Variants in DPP6 observed in about 807,000 individuals in gnomAD.
DPP6 encodes dipeptidyl peptidase like 6.
A neutral mutation model predicts 122.6 loss-of-function variants in DPP6; 69 were observed. That is an observed-to-expected ratio of 0.56 (90% CI 0.46 to 0.69). DPP6 has a LOEUF of 0.69. Ranked by LOEUF, DPP6 falls within the 30% of genes least tolerant of loss-of-function variation. The pLI is 0.00. For synonymous variants in DPP6, 418 were observed against 433.1 expected (o/e 0.97, Z 0.43); for missense variants, 928 against 1,116.9 (o/e 0.83, Z 2.41).
upstream of DPP6, among the ~76,000 whole-genome samples, chr7:153,885,393 T>C (rs909735218): frequency 6.6e-6 from 1 of 152,042 alleles, no homozygotes; most frequent in Admixed American, 6.5e-5. Flanking sequence ...GTGATGGTGT[T>C]AGGGGCTGAG....
intron 1 of DPP6, among the ~76,000 whole-genome samples, chr7:154,309,865 G>A (rs1806707120): frequency 6.6e-6 from 1 of 152,206 alleles, no homozygotes; most frequent in African/African-American, 2.4e-5. Flanking sequence ...AGTTCACACG[G>A]ACATTGGATG....
rs896473478 is a variant in DPP6 at position 153,974,319 on chromosome 7, C to G, written c.51+86585C>G. 2.1e-4 allele frequency among the ~76,000 whole-genome samples: 32 copies of G among 152,264 alleles called. No individual in the cohort carries two copies. The Middle Eastern group carries it at 0.014, about 65-fold the overall frequency. On this transcript the variant is annotated intron_variant, in intron 1 of 25. Coordinates refer to the DPP6 transcript ENST00000404039. The stretch of plus-strand genomic sequence containing the variant: ...TTCATCTTGCTCTGCAGTGGCAACT[C>G]TCTCGTTTCCCATGTGGAATTGTGA...
intron 1 of DPP6, chr7:154,092,952 T>A (rs867179087): frequency 2.1e-4 from 32 of 152,110 alleles, no homozygotes; most frequent in African/African-American, 5.8e-4. Context: ...AGCTTGCGTC[T>A]CCTTGTGCAA....
At chr7:153,811,353 T>C in the DPP6 span, among the ~76,000 whole-genome samples, 1 of 152,226 alleles carries the variant, frequency 6.6e-6, no homozygotes, top group African/African-American at 2.4e-5. Flanking sequence ...ATTAAATGAA[T>C]TACTGGGGCA....
At position 154,550,987 on chromosome 7, in the gene DPP6, C is replaced by G. The variant is rs145003630; in HGVS notation, c.552+10361C>G. ...ACCAATTTATAAAAGACAGCTGGAT[C>G]CAAGTTATATTTCTGACAAAATTGG... On this transcript the variant is annotated intron_variant, in intron 4 of 25. Transcript: ENST00000377770. 4.2e-3 allele frequency among the ~76,000 whole-genome samples: 639 copies of G among 152,096 alleles called. 1 individual carries two copies. Among genetic ancestry groups the G allele is most frequent in the Non-Finnish European group, 6.1e-3 (413 of 67,990 alleles).
At chr7:154,591,638 G>A (rs1173170884) in intron 5 of DPP6, among the ~76,000 whole-genome samples, 1 of 152,186 alleles carries the variant, frequency 6.6e-6, no homozygotes, top group African/African-American at 2.4e-5. Flanking sequence ...CATGCTGGGA[G>A]TGAAACTATC....
chr7:154,709,272 T>C (rs912776891), intron 7 of DPP6, among the ~76,000 whole-genome samples: 1 of 152,230 alleles, frequency 6.6e-6, no homozygotes, highest in African/African-American at 2.4e-5. Flanking sequence ...CTTGACCTGC[T>C]GGACTCAAGC....
chr7:154,454,803 A>G (rs746512328), intron 2 of DPP6, among the ~76,000 whole-genome samples: 3 of 152,220 alleles, frequency 2.0e-5, no homozygotes, highest in Non-Finnish European at 2.9e-5. Flanking sequence ...GCACATAAAC[A>G]TTTGGATATG....
chr7:153,786,663 C>A, the DPP6 span, among the ~76,000 whole-genome samples: 10 of 141,894 alleles, frequency 7.0e-5, no homozygotes, highest in African/African-American at 2.1e-4. Flanking sequence ...GGCGTGAACC[C>A]GGGAGGCGGA....
At chr7:154,559,047 AT>A (rs1315870313) in intron 4 of DPP6, among the ~76,000 whole-genome samples, 6 of 152,170 alleles carry the variant, frequency 3.9e-5, no homozygotes, top group Admixed American at 3.9e-4. Context: ...ATGAGGAGAA[AT>A]ATCAGTTGAT....
In DPP6 at chr7:153,950,052, GAGAC is replaced by G. The variant is rs58221477; in HGVS notation, c.51+62325_51+62328del. Among the ~76,000 whole-genome samples, 1,069 of 152,284 alleles carry G rather than the reference GAGAC, an allele frequency of 7.0e-3. 13 individuals carry two copies. Among genetic ancestry groups the G allele is most frequent in the African/African-American group, 0.024 (1,007 of 41,556 alleles). On this transcript the variant is annotated intron_variant, in intron 1 of 25. Coordinates refer to the DPP6 transcript ENST00000404039. ...AAGAAAGGAAACATATTCCTGTGGG[GAGAC>G]AGACAGGGCAAGAGCACTTCTTATA...
chr7:154,563,185 A>C (rs1830536523), intron 4 of DPP6, among the ~76,000 whole-genome samples: 1 of 152,224 alleles, frequency 6.6e-6, no homozygotes, highest in Non-Finnish European at 1.5e-5. Flanking sequence ...AAAGGTTGAG[A>C]GCATTTCAGG....
rs1391507096 is a variant in DPP6 at position 153,991,603 on chromosome 7, T to C, written c.51+103869T>C. Among the ~76,000 whole-genome samples the C allele has an allele frequency of 9.5e-4, 144 of 152,228 alleles. 2 individuals carry two copies. Among genetic ancestry groups the C allele is most frequent in the Non-Finnish European group, 3.4e-4 (23 of 68,038 alleles). On this transcript the variant is annotated intron_variant, in intron 1 of 25. Coordinates refer to the DPP6 transcript ENST00000404039. The stretch of plus-strand genomic sequence containing the variant: ...TTGCTTAAATCCAGTGGCCTCTGGC[T>C]GCACCTGCCTTTGCATCATGACTTT...
the DPP6 span, among the ~76,000 whole-genome samples, chr7:153,781,213 A>T: frequency 1.3e-5 from 2 of 152,198 alleles, no homozygotes; most frequent in Admixed American, 1.3e-4. Flanking sequence ...TTGCCTGTGC[A>T]GGCTGAGCTC....
chr7:154,713,106 A>G (rs1331316588), intron 7 of DPP6, among the ~76,000 whole-genome samples: 3 of 152,258 alleles, frequency 2.0e-5, no homozygotes, highest in Admixed American at 6.5e-5. Flanking sequence ...CATGTCCAAA[A>G]TCCAATAGGG....
chr7:154,548,877 G>A (rs2130352797), intron 4 of DPP6, among the ~76,000 whole-genome samples: 1 of 152,364 alleles, frequency 6.6e-6, no homozygotes, highest in East Asian at 1.9e-4. Flanking sequence ...ACTCTAGATA[G>A]AGGCTTGCAG....
intron 3 of DPP6, among the ~76,000 whole-genome samples, chr7:154,496,829 A>C (rs966162226): frequency 3.9e-5 from 6 of 152,260 alleles, no homozygotes; most frequent in Non-Finnish European, 5.9e-5. Context: ...CTGCTTGTTT[A>C]GATGACTGGT....
At chr7:153,966,720 C>G (rs895513579) in intron 1 of DPP6, among the ~76,000 whole-genome samples, 1 of 151,772 alleles carries the variant, frequency 6.6e-6, no homozygotes, top group African/African-American at 2.4e-5. Context: ...AAACAAAATA[C>G]TATGAGTAGA....
At chr7:154,733,022 G>A (rs1012210153) in intron 8 of DPP6, among the ~76,000 whole-genome samples, 1 of 152,128 alleles carries the variant, frequency 6.6e-6, no homozygotes, top group Non-Finnish European at 1.5e-5. Flanking sequence ...CTGCAGCCCT[G>A]CCCTGACTCC....
Sources: gnomAD v4.1 joint callset for allele counts (sites outside exome capture counted in the v4.1 genomes callset) on GRCh38, gnomAD v4.1.1 for gene constraint, MANE v1.5 for transcripts, NCBI Gene and HGNC (gene_info 2026-07-23, HGNC 2026-07-21) for gene names.